ZFP90: variants seen among roughly 807,000 people sequenced by gnomAD.
ZFP90 encodes ZFP90 zinc finger protein.
A neutral mutation model predicts 60.8 loss-of-function variants in ZFP90; 38 were observed. The observed-to-expected ratio is 0.62, with a 90% CI of 0.48 to 0.82. ZFP90 has a LOEUF of 0.82. ZFP90 is among the 40% of genes least tolerant of loss of function. ZFP90 has a pLI of 0.00. For synonymous variants in ZFP90, 287 were observed against 264.8 expected, an observed-to-expected ratio of 1.08 and a Z score of -0.82; for missense variants, 711 against 759.1, an observed-to-expected ratio of 0.94 and a Z score of 0.74.
At chr16:68,555,556 G>A (rs2091329951) in intron 2 of ZFP90, among the ~76,000 whole-genome samples, 1 of 152,170 alleles carries the variant, frequency 6.6e-6, no homozygotes, top group Non-Finnish European at 1.5e-5. Context: ...TGTGAGTCAG[G>A]TACTTGCTGG....
intron 2 of ZFP90, among the ~76,000 whole-genome samples, chr16:68,544,236 G>A (rs2091105073): frequency 2.0e-5 from 3 of 152,170 alleles, no homozygotes; most frequent in Admixed American, 6.5e-5. Flanking sequence ...GAAGCCACCA[G>A]AGCAGTAAGA....
upstream of ZFP90, among the ~76,000 whole-genome samples, chr16:68,534,921 AAAAT>A (rs1329224490): frequency 6.6e-6 from 1 of 152,118 alleles, no homozygotes; most frequent in Non-Finnish European, 1.5e-5. Context: ...TAAATAAATA[AAAAT>A]AAAATAAATT....
Position 68,563,304 on chromosome 16 carries a change from C to T in ZFP90, c.517C>T (p.Gln173Ter). The T allele has an allele frequency of 1.2e-6, 2 of 1,614,118 alleles. No homozygotes were observed. Among genetic ancestry groups the T allele is most frequent in the South Asian group, 1.1e-5 (1 of 91,072 alleles). Residue 173 changes from glutamine to a stop codon, truncating the protein, a stop_gained, in exon 5 of 5, where the codon CAA (glutamine) becomes TAA (stop). Transcript: ENST00000563169. LOFTEE classifies it high-confidence loss of function. ...NSRLNTNLVTQLNIPARIRPS... is the reference protein window; with the variant it reads ...NSRLNTNLVT Reference sequence around the variant, plus strand: ...TAGATTGAACACCAATTTGGTTACACAACTGAACATTCCTGCAAGAATAAG... The same window carrying T: ...TAGATTGAACACCAATTTGGTTACATAACTGAACATTCCTGCAAGAATAAG...
chr16:68,574,490 G>GA (rs3833989), intron 2 of ZFP90, among the ~76,000 whole-genome samples: 117,202 of 148,180 alleles, frequency 0.79, 46,284 homozygotes, highest in African/African-American at 0.84. Flanking sequence ...CAAACATGTT[G>GA]AAAAAAAAAA....
At chr16:68,570,609 A>C (rs1555500775), downstream of ZFP90, among the ~76,000 whole-genome samples, 1 of 152,220 alleles carries the variant, frequency 6.6e-6, no homozygotes, top group Non-Finnish European at 1.5e-5. Context: ...GGAGGGTCTT[A>C]CGCTAATGAG....
intron 2 of ZFP90, among the ~76,000 whole-genome samples, chr16:68,550,570 T>A (rs2091243473): frequency 6.6e-6 from 1 of 152,256 alleles, no homozygotes; most frequent in Non-Finnish European, 1.5e-5. Context: ...TTTTGCTTAA[T>A]CACACATGCC....
chr16:68,566,714 A>T lies in ZFP90; in HGVS notation c.*2016A>T. 1.0e-6 allele frequency: 1 copy of T among 985,550 alleles called. No homozygotes were observed. Among genetic ancestry groups the T allele is most frequent in the Non-Finnish European group, 1.2e-6 (1 of 829,930 alleles). The allele number at this position is 985,550 out of a possible 1,614,324, so 61.1% of individuals were successfully genotyped here. On this transcript the variant is annotated 3_prime_UTR_variant, in exon 5 of 5. Transcript: ENST00000563169. ...CTGATACATAGTTTGACAATGGGTAATTCTACTCAGACCCTCCCTACTGAT... is the reference window on the plus strand; with the variant it reads ...CTGATACATAGTTTGACAATGGGTATTTCTACTCAGACCCTCCCTACTGAT...
Position 68,564,237 on chromosome 16 carries a change from T to A in ZFP90, c.1450T>A (p.Phe484Ile). 6.2e-7 allele frequency: 1 copy of A among 1,613,580 alleles called. No homozygotes were observed. ...AENPYDCEQAFSQQAISHPGE... is the reference protein window; with the variant it reads ...AENPYDCEQAISQQAISHPGE... ...GAACCCCTATGATTGTGAGCAGGCTTTTAGTCAGCAAGCTATTTCTCATCC... is the reference window on the plus strand; with the variant it reads ...GAACCCCTATGATTGTGAGCAGGCTATTAGTCAGCAAGCTATTTCTCATCC... Residue 484 changes from phenylalanine to isoleucine, a missense_variant, in exon 5 of 5, where the codon TTT becomes ATT. By Grantham distance (21) the Phe-to-Ile change is conservative. This residue lies in a region of ZFP90 where 295 missense variants were observed against 274.0 expected (regional missense o/e 1.08). Coordinates refer to ENST00000563169, the MANE Select transcript of ZFP90 (RefSeq NM_001305203.2).
intron 2 of ZFP90, among the ~76,000 whole-genome samples, chr16:68,553,580 G>A (rs536608852): frequency 8.5e-5 from 13 of 152,220 alleles, no homozygotes; most frequent in Admixed American, 8.5e-4. Flanking sequence ...GCCATTGGAG[G>A]CCTTGAAACA....
chr16:68,541,731 T>C (rs1310318777), intron 2 of ZFP90, among the ~76,000 whole-genome samples: 1 of 152,186 alleles, frequency 6.6e-6, no homozygotes, highest in Non-Finnish European at 1.5e-5. Flanking sequence ...CACATCATGA[T>C]CGTTATCCCC....
At chr16:68,536,223 T>C (rs1175610835), upstream of ZFP90, among the ~76,000 whole-genome samples, 5 of 152,222 alleles carry the variant, frequency 3.3e-5, no homozygotes, top group Non-Finnish European at 5.9e-5. Context: ...GTTTGAGTGC[T>C]CTTTCTCACA....
chr16:68,541,332 C>T lies in ZFP90; in HGVS notation c.33+1507C>T, dbSNP rs572122220. ...GGATTACAGATGTGAGCCACCACGC[C>T]TGGCCTAATTTTTGTTTTTTTTTGT... On this transcript the variant is annotated intron_variant, in intron 2 of 4. Transcript: ENST00000563169. Among the ~76,000 whole-genome samples, 29 of 152,110 alleles carry T rather than the reference C, an allele frequency of 1.9e-4. 1 individual carries two copies. Among genetic ancestry groups the T allele is most frequent in the Middle Eastern group, 6.8e-3 (2 of 292 alleles).
At chr16:68,558,220 A>G (rs2091378267) in intron 3 of ZFP90, 96 bp downstream of exon 3, 1 of 1,541,708 alleles carries the variant, frequency 6.5e-7, no homozygotes. Context: ...AACTGTGACC[A>G]GGGTGCTCAG....
At chr16:68,548,941 C>A (rs1425402737) in intron 2 of ZFP90, among the ~76,000 whole-genome samples, 1 of 152,010 alleles carries the variant, frequency 6.6e-6, no homozygotes, top group Non-Finnish European at 1.5e-5. Context: ...TTTTATAATC[C>A]AAGAATTTAA....
At chr16:68,558,420 TTCTTTG>T in intron 3 of ZFP90, 47 bp from the exon 4 acceptor site, 1 of 1,539,294 alleles carries the variant, frequency 6.5e-7, no homozygotes. Flanking sequence ...CTTAGGAGGG[TTCTTTG>T]TCCACTTGCA....
Position 68,539,763 on chromosome 16 carries a change from G to T in ZFP90, c.-30G>T, listed in dbSNP as rs1307591500. The T allele has an allele frequency of 3.8e-6, 6 of 1,569,176 alleles. No individual in the cohort carries two copies. The Admixed American group carries it at 9.2e-5, about 24-fold the overall frequency. On this transcript the variant is annotated 5_prime_UTR_variant, in exon 2 of 5. Transcript: ENST00000563169. ...GCCCTGTCCTTTCTCCCCAGCTCCT[G>T]CCCCGGAGCCGGGCCCTGGCGAGGC...
Position 68,554,214 on chromosome 16 carries a change from C to T in ZFP90, c.34-3784C>T, listed in dbSNP as rs142459141. Reference sequence around the variant, plus strand: ...TCGGCTCATTGCAGTTTCCACCTCCCGGGTTCAAGTGATTCTCCTGCCTCA... The same window carrying T: ...TCGGCTCATTGCAGTTTCCACCTCCTGGGTTCAAGTGATTCTCCTGCCTCA... On this transcript the variant is annotated intron_variant, in intron 2 of 4. Coordinates refer to ENST00000563169, the MANE Select transcript of ZFP90 (RefSeq NM_001305203.2). 7.7e-3 allele frequency among the ~76,000 whole-genome samples: 1,172 copies of T among 151,698 alleles called. 14 individuals carry two copies. The highest frequency in any genetic ancestry group is 0.027 in the African/African-American group (1,121 of 41,392).
chr16:68,544,570 G>C (rs2091111204), intron 2 of ZFP90, among the ~76,000 whole-genome samples: 1 of 152,130 alleles, frequency 6.6e-6, no homozygotes, highest in African/African-American at 2.4e-5. Context: ...GTTGACTCTG[G>C]ATTACAGAAG....
intron 2 of ZFP90, among the ~76,000 whole-genome samples, chr16:68,553,662 G>A (rs2091296279): frequency 6.6e-6 from 1 of 152,084 alleles, no homozygotes; most frequent in African/African-American, 2.4e-5. Context: ...ACTGTCACCC[G>A]GGCTAGAATG....
Sources: allele counts gnomAD v4.1 joint callset (sites outside exome capture counted in the v4.1 genomes callset), GRCh38; gene constraint gnomAD v4.1.1; regional missense constraint gnomAD v4.1.1; transcripts MANE v1.5; gene names NCBI Gene and HGNC (gene_info 2026-07-23, HGNC 2026-07-21).